Variants in UQCRH observed in about 807,000 individuals in gnomAD.
UQCRH encodes the protein ubiquinol-cytochrome c reductase hinge protein, also known as cytochrome b-c1 complex subunit 6, mitochondrial.
A neutral mutation model predicts 16.3 loss-of-function variants in UQCRH; 14 were observed. The ratio of observed to expected loss-of-function variants is 0.86; its 90% CI spans 0.57 to 1.34. The LOEUF is 1.34. UQCRH is among the 40% of genes most tolerant of loss of function. The pLI, the probability that UQCRH is intolerant of heterozygous loss-of-function variation, is 0.00. For missense variants in UQCRH, 89 were observed against 111.9 expected, an observed-to-expected ratio of 0.80 and a Z score of 0.92; for synonymous variants, 41 against 41.9, an observed-to-expected ratio of 0.98 and a Z score of 0.08.
At chr1:46,313,243 G>A (rs551133508) in intron 3 of UQCRH, among the ~76,000 whole-genome samples, 3 of 152,238 alleles carry the variant, frequency 2.0e-5, no homozygotes, top group Admixed American at 2.0e-4. Flanking sequence ...TGTAATCGCA[G>A]AACTTTGCGA....
chr1:46,315,939 A>G (rs958629330), intron 3 of UQCRH, among the ~76,000 whole-genome samples: 6 of 152,216 alleles, frequency 3.9e-5, no homozygotes, highest in African/African-American at 1.4e-4. Flanking sequence ...GGAGTAAGAT[A>G]GACATGGTTC....
chr1:46,310,501 T>C (rs187565289), intron 3 of UQCRH, among the ~76,000 whole-genome samples, 185 bp downstream of exon 3: 100 of 152,334 alleles, frequency 6.6e-4, no homozygotes, highest in Non-Finnish European at 8.7e-4. Flanking sequence ...CTCACTATGT[T>C]GTCCAGGCTG....
intron 1 of UQCRH, among the ~76,000 whole-genome samples, chr1:46,304,179 A>G (rs893564748): frequency 7.9e-5 from 12 of 152,154 alleles, no homozygotes; most frequent in Non-Finnish European, 1.6e-4. Context: ...GCCCCAGCTC[A>G]GGTTAGGAAT....
rs369532051 is a variant in UQCRH at position 46,303,724 on chromosome 1, G to A, written c.-43G>A. Reference sequence around the variant, plus strand: ...TTCTTGATCCTGAACTGGGTTAGGTGCCGCTGTTGCTGCTCGTGTTGAATC... The same window carrying A: ...TTCTTGATCCTGAACTGGGTTAGGTACCGCTGTTGCTGCTCGTGTTGAATC... On this transcript the variant is annotated 5_prime_UTR_variant, in exon 1 of 4. Transcript: ENST00000311672. 31 of 1,613,998 alleles carry A rather than the reference G, an allele frequency of 1.9e-5. No individual in the cohort carries two copies. In the African/African-American group the frequency reaches 2.4e-4, roughly 12 times the overall value.
intron 1 of UQCRH, among the ~76,000 whole-genome samples, chr1:46,304,710 T>G (rs1420383333): frequency 6.6e-6 from 1 of 152,078 alleles, no homozygotes; most frequent in African/African-American, 2.4e-5. Context: ...TACACACTAT[T>G]CCTATGAAGT....
chr1:46,304,151 G>A (rs1661314390), intron 1 of UQCRH, among the ~76,000 whole-genome samples: 1 of 152,174 alleles, frequency 6.6e-6, no homozygotes, highest in Non-Finnish European at 1.5e-5. Flanking sequence ...CAGATTTGGG[G>A]AGCAAACAGA....
At chr1:46,309,424 G>T (rs1394978393) in intron 2 of UQCRH, 5 of 351,240 alleles carry the variant, frequency 1.4e-5, no homozygotes. Flanking sequence ...AGGCATGGTG[G>T]CTCGTGCCTG....
At position 46,309,109 on chromosome 1, in the gene UQCRH, G is replaced by C; in HGVS notation, c.63G>C (p.Glu21Asp). The C allele has an allele frequency of 6.2e-7, 1 of 1,613,338 alleles. No individual in the cohort carries two copies. The highest frequency in any genetic ancestry group is 8.5e-7 in the Non-Finnish European group (1 of 1,179,788). ...TESGDPEEEEEEEEELVDPLT... is the reference protein window; with the variant it reads ...TESGDPEEEEDEEEELVDPLT... ...TTGTTTTCCTTTTGTAGGAGGAAGA[G>C]GAAGAGGAGGAATTAGTGGTAAGAA... The change falls in exon 2 of 4, where the codon GAG (glutamate) becomes GAC (aspartate). Residue 21 changes from glutamate to aspartate, a missense_variant. Transcript: ENST00000311672.
At chr1:46,307,335 A>G (rs1661395534) in intron 1 of UQCRH, among the ~76,000 whole-genome samples, 1 of 152,062 alleles carries the variant, frequency 6.6e-6, no homozygotes, top group Non-Finnish European at 1.5e-5. Flanking sequence ...GTGAACCACT[A>G]TGCCCAGCCT....
At chr1:46,310,868 C>G (rs2148335484) in intron 3 of UQCRH, among the ~76,000 whole-genome samples, 1 of 151,684 alleles carries the variant, frequency 6.6e-6, no homozygotes, top group South Asian at 2.1e-4. Flanking sequence ...GAGATCGAGA[C>G]CATCCTGGCT....
chr1:46,306,937 G>A (rs1661387468), intron 1 of UQCRH, among the ~76,000 whole-genome samples: 1 of 152,154 alleles, frequency 6.6e-6, no homozygotes, highest in African/African-American at 2.4e-5. Context: ...CCAGACTGGG[G>A]TGCAGTGGTA....
At chr1:46,309,991 C>T (rs747038221) in intron 2 of UQCRH, 164 bp from the exon 3 acceptor site, 38 of 1,483,870 alleles carry the variant, frequency 2.6e-5, no homozygotes, top group Non-Finnish European at 3.4e-5. Context: ...AATGGGAGAC[C>T]GCATTCTGCC....
At chr1:46,312,294 G>C (rs929118824) in intron 3 of UQCRH, among the ~76,000 whole-genome samples, 2 of 151,728 alleles carry the variant, frequency 1.3e-5, no homozygotes, top group African/African-American at 4.8e-5. Flanking sequence ...TAGTAGAGAC[G>C]GGGTTTCACC....
Position 46,316,700 on chromosome 1 carries a change from A to G in UQCRH, c.*116A>G. The G allele has an allele frequency of 1.3e-6, 2 of 1,510,330 alleles. No homozygotes were observed. The highest frequency in any genetic ancestry group is 1.8e-6 in the Non-Finnish European group (2 of 1,113,472). 93.6% of individuals were successfully genotyped at this position (1,510,330 alleles called of 1,614,324 possible). A position where few individuals can be genotyped will look rare whatever the true frequency, so the allele number is the denominator to read the frequency against. On this transcript the variant is annotated 3_prime_UTR_variant, in exon 4 of 4. Transcript: ENST00000311672. ...GTAACTGTAAGTTCACATGAACCTC[A>G]TGGGTTTGGCTTAGGCTGGTAGCTT...
chr1:46,305,497 CCGAGGCGGG>C lies in UQCRH; in HGVS notation c.54+1678_54+1686del, dbSNP rs1557722775. The stretch of plus-strand genomic sequence containing the variant: ...AGGCCGAGGCGGGTGGATCGGGAGG[CCGAGGCGGG>C]TGGATCGGGAGGCCGAGGCGGGTGG... On this transcript the variant is annotated intron_variant, in intron 1 of 3. Coordinates refer to ENST00000311672, the MANE Select transcript of UQCRH (RefSeq NM_006004.4). 7.6e-5 allele frequency among the ~76,000 whole-genome samples: 10 copies of C among 130,990 alleles called. 1 individual carries two copies. Among genetic ancestry groups the C allele is most frequent in the Non-Finnish European group, 1.3e-4 (7 of 54,274 alleles). The allele number at this position is 130,990 out of a possible 152,430, so 85.9% of individuals were successfully genotyped here.
intron 3 of UQCRH, among the ~76,000 whole-genome samples, chr1:46,312,912 T>C (rs1044588215): frequency 6.6e-6 from 1 of 152,048 alleles, no homozygotes; most frequent in Non-Finnish European, 1.5e-5. Context: ...TTATACCAAC[T>C]GCCCACTAGG....
chr1:46,307,371 T>C (rs1661395965), intron 1 of UQCRH, among the ~76,000 whole-genome samples: 1 of 151,912 alleles, frequency 6.6e-6, no homozygotes, highest in Non-Finnish European at 1.5e-5. Context: ...AGAGATGGGG[T>C]CTTGTCATGT....
rs763181509 is a variant in UQCRH, at chr1:46,303,745, G to C, written c.-22G>C. The C allele has an allele frequency of 3.7e-5, 60 of 1,614,026 alleles. No individual in the cohort carries two copies. Among genetic ancestry groups the C allele is most frequent in the Non-Finnish European group, 4.7e-5 (56 of 1,179,998 alleles). On this transcript the variant is annotated 5_prime_UTR_variant, in exon 1 of 4. Coordinates refer to ENST00000311672, the MANE Select transcript of UQCRH (RefSeq NM_006004.4). ...AGGTGCCGCTGTTGCTGCTCGTGTT[G>C]AATCTAGAACCGTAGCCAGACATGG...
chr1:46,313,579 A>C (rs1481685428), intron 3 of UQCRH, among the ~76,000 whole-genome samples: 1 of 152,154 alleles, frequency 6.6e-6, no homozygotes, highest in African/African-American at 2.4e-5. Context: ...CAGTGAGCTG[A>C]GATTGTGCCA....
Sources: gnomAD v4.1 joint callset for allele counts (sites outside exome capture counted in the v4.1 genomes callset) on GRCh38, gnomAD v4.1.1 for gene constraint, MANE v1.5 for transcripts, NCBI Gene and HGNC (gene_info 2026-07-23, HGNC 2026-07-21) for gene names.